The following LRRC8A variants were observed in gnomAD, a reference collection of about 807,000 sequenced individuals.
The protein encoded by LRRC8A is leucine rich repeat containing 8 VRAC subunit A.
In LRRC8A, 24 loss-of-function variants were observed where a neutral mutation model predicts 52.5. That is an observed-to-expected ratio of 0.46 (90% CI 0.33 to 0.64). LRRC8A has a LOEUF of 0.64. Among genes scored for constraint, LRRC8A ranks in the 30% least tolerant of loss-of-function variants. The probability of loss-of-function intolerance (pLI) is 0.02; values close to 1 mark genes in which losing one functional copy is unlikely to be tolerated. For synonymous variants in LRRC8A, 492 were observed against 494.2 expected (o/e 1.00, Z 0.06); for missense variants, 677 against 1,094.7 (o/e 0.62, Z 5.38).
chr9:128,911,694 T>C lies in LRRC8A; in HGVS notation c.2157+2373T>C, dbSNP rs1169130063. 6.6e-6 allele frequency among the ~76,000 whole-genome samples: 1 copy of C among 152,144 alleles called. No individual in the cohort carries two copies. Among genetic ancestry groups the C allele is most frequent in the Non-Finnish European group, 1.5e-5 (1 of 68,006 alleles). On this transcript the variant is annotated intron_variant, in intron 3 of 3. Coordinates refer to ENST00000372600, the MANE Select transcript of LRRC8A (RefSeq NM_019594.4). The surrounding 1 kb of genome is among the most constrained non-coding windows in gnomAD (Gnocchi z 4.9). ...GCTTGCCTGTTAGTGTCATGCCTGCTGGCTGAGGTCACCCCTCAGGAAAGG... is the reference window on the plus strand; with the variant it reads ...GCTTGCCTGTTAGTGTCATGCCTGCCGGCTGAGGTCACCCCTCAGGAAAGG...
At chr9:128,910,836 C>T (rs1470063371) in intron 3 of LRRC8A, among the ~76,000 whole-genome samples, 1 of 152,214 alleles carries the variant, frequency 6.6e-6, no homozygotes, top group African/African-American at 2.4e-5. Flanking sequence ...AGCATTTTCA[C>T]TAAGCACCCT....
chr9:128,897,900 G>T (rs941285213), intron 2 of LRRC8A, among the ~76,000 whole-genome samples: 3 of 151,296 alleles, frequency 2.0e-5, no homozygotes, highest in Non-Finnish European at 2.9e-5. Context: ...AAAATAGAGG[G>T]CAGGGGCAGT....
At position 128,916,101 on chromosome 9, in the gene LRRC8A, G is replaced by A. The variant is rs1454989450; in HGVS notation, c.2163G>A (p.Glu721=). ...QNLAITANRI[E]TLPPELFQCR... ...CCCTGCTTTTTTCCCTCCAGATCGA[G>A]ACGCTCCCTCCGGAGCTCTTCCAGT... Residue 721 remains glutamate (E), a synonymous_variant, in exon 4 of 4, where the codon GAG becomes GAA. Coordinates refer to ENST00000372600, the MANE Select transcript of LRRC8A (RefSeq NM_019594.4). This position sits in a 1 kb window ranked among gnomAD's most constrained non-coding sequence, Gnocchi z 6.1. 1 of 1,604,130 alleles carries A rather than the reference G, an allele frequency of 6.2e-7. No homozygotes were observed. The highest frequency in any genetic ancestry group is 8.5e-7 in the Non-Finnish European group (1 of 1,172,466).
rs1202097217 is a variant in LRRC8A at position 128,908,471 on chromosome 9, G to T, written c.1307G>T (p.Ser436Ile). 1.2e-6 allele frequency: 2 copies of T among 1,613,160 alleles called. No individual in the cohort carries two copies. Among genetic ancestry groups the T allele is most frequent in the South Asian group, 1.1e-5 (1 of 91,066 alleles). Residue 436 changes from serine (S) to isoleucine (I), a missense_variant, in exon 3 of 4, where the codon AGT becomes ATT. Physicochemically the swap from Ser to Ile is moderately radical, Grantham distance 142. Around this residue, in one of 4 missense-constraint regions of LRRC8A, gnomAD observed 422 missense variants for 741.5 expected, o/e 0.57. Coordinates refer to ENST00000372600, the MANE Select transcript of LRRC8A (RefSeq NM_019594.4). ...DKLELHLFML[S>I]GIPDTVFDLV... ...CTGGAGCTGCACCTGTTCATGCTCA[G>T]TGGCATCCCTGACACTGTGTTTGAC...
intron 3 of LRRC8A, 63 bp downstream of exon 3, chr9:128,909,384 G>A (rs1840401412): frequency 1.3e-6 from 2 of 1,498,778 alleles, no homozygotes; most frequent in Admixed American, 1.7e-5. Context: ...GGCTTGTGGT[G>A]GGGCACTCGG....
Position 128,907,372 on chromosome 9 carries a change from C to T in LRRC8A, c.208C>T (p.Arg70Trp), listed in dbSNP as rs140911584. The T allele has an allele frequency of 1.9e-4, 309 of 1,613,438 alleles. No homozygotes were observed. Among genetic ancestry groups the T allele is most frequent in the Non-Finnish European group, 2.5e-4 (293 of 1,180,010 alleles). The change falls in exon 3 of 4, where the codon CGG (arginine) becomes TGG (tryptophan). Residue 70 changes from arginine to tryptophan, a missense_variant. Transcript: ENST00000372600. The surrounding 1 kb of genome is among the most constrained non-coding windows in gnomAD (Gnocchi z 9.3). The stretch of plus-strand genomic sequence containing the variant: ...CAAGGACTCCTGCAATGATTCGTTC[C>T]GGGGCTGGGCAGCCCCTGGCCCGGA... ...VTKDSCNDSFRGWAAPGPEPT... is the reference protein window; with the variant it reads ...VTKDSCNDSFWGWAAPGPEPT...
rs1840855066 is a variant in LRRC8A at position 128,917,075 on chromosome 9, T to C, written c.*704T>C. The stretch of plus-strand genomic sequence containing the variant: ...AAAACAATTTTTTTAAAAAAAAAGC[T>C]TTGAAAATGGATGGTTTGGGTATTA... On this transcript the variant is annotated 3_prime_UTR_variant, in exon 4 of 4. Coordinates refer to ENST00000372600, the MANE Select transcript of LRRC8A (RefSeq NM_019594.4). 1 of 143,464 alleles carries C rather than the reference T, an allele frequency of 7.0e-6. No individual in the cohort carries two copies. The highest frequency in any genetic ancestry group is 1.5e-5 in the Non-Finnish European group (1 of 65,864). 8.9% of individuals were successfully genotyped at this position (143,464 alleles called of 1,614,324 possible). A position where few individuals can be genotyped will look rare whatever the true frequency, so the allele number is the denominator to read the frequency against.
chr9:128,890,168 G>GTGTGTGTGTGCT (rs1839554689), intron 2 of LRRC8A, among the ~76,000 whole-genome samples: 1 of 151,348 alleles, frequency 6.6e-6, no homozygotes, highest in South Asian at 2.1e-4. Context: ...GTGTGTGTGT[G>GTGTGTGTGTGCT]TGCTGGGAAG....
chr9:128,905,435 C>G lies in LRRC8A; in HGVS notation c.-8-1722C>G, dbSNP rs76296630. Among the ~76,000 whole-genome samples, 9 of 152,338 alleles carry G rather than the reference C, an allele frequency of 5.9e-5. No individual in the cohort carries two copies. In the South Asian group the frequency reaches 1.9e-3, roughly 32 times the overall value. On this transcript the variant is annotated intron_variant, in intron 2 of 3. Coordinates refer to ENST00000372600, the MANE Select transcript of LRRC8A (RefSeq NM_019594.4). ...GAATGGCCACAGAGAGGCATTCTCA[C>G]AGAGATCTTGCTGCGTGCCTCCTGT...
intron 3 of LRRC8A, among the ~76,000 whole-genome samples, chr9:128,914,833 G>T (rs989577195): frequency 6.6e-6 from 1 of 152,246 alleles, no homozygotes; most frequent in Non-Finnish European, 1.5e-5. Flanking sequence ...TCGCAGCAGG[G>T]CAGGGAAGAA....
chr9:128,917,124 A>G lies in LRRC8A; in HGVS notation c.*753A>G, dbSNP rs1840858675. 1 of 152,178 alleles carries G rather than the reference A, an allele frequency of 6.6e-6. No homozygotes were observed. The highest frequency in any genetic ancestry group is 2.4e-5 in the African/African-American group (1 of 41,332). The allele number at this position is 152,178 out of a possible 1,614,324, so 9.4% of individuals were successfully genotyped here. On this transcript the variant is annotated 3_prime_UTR_variant, in exon 4 of 4. Transcript: ENST00000372600. ...TAAAAAGAAAAAAAAAACTTAAAAA[A>G]AAAAAGACACTAACGGCCAGTGAGT...
In LRRC8A at chr9:128,907,530, C is replaced by T. The variant is rs1284056695; in HGVS notation, c.366C>T (p.Ala122=). The change falls in exon 3 of 4, where the codon GCC becomes GCT. Residue 122 remains alanine, a synonymous_variant. Transcript: ENST00000372600. The surrounding 1 kb of genome is among the most constrained non-coding windows in gnomAD (Gnocchi z 9.3). Reference sequence around the variant, plus strand: ...ATGAGAACCGACTGCACTGGTTTGCCAAGTACTTCCCCTACCTGGTGCTTC... The same window carrying T: ...ATGAGAACCGACTGCACTGGTTTGCTAAGTACTTCCCCTACCTGGTGCTTC... ...VCYENRLHWF[A]KYFPYLVLLH... The T allele has an allele frequency of 1.2e-6, 2 of 1,614,172 alleles. No homozygotes were observed. The highest frequency in any genetic ancestry group is 1.7e-6 in the Non-Finnish European group (2 of 1,180,044).
intron 2 of LRRC8A, among the ~76,000 whole-genome samples, chr9:128,895,446 C>T (rs1175981405): frequency 6.6e-6 from 1 of 152,236 alleles, no homozygotes; most frequent in Admixed American, 6.5e-5. Flanking sequence ...TGGATTTGAA[C>T]CTACATGTCC....
At chr9:128,889,341 G>C (rs1201935825) in intron 2 of LRRC8A, among the ~76,000 whole-genome samples, 1 of 152,118 alleles carries the variant, frequency 6.6e-6, no homozygotes, top group Non-Finnish European at 1.5e-5. Flanking sequence ...TGTGAGGCTG[G>C]TGGGCTACAA....
Position 128,916,046 on chromosome 9 carries a change from C to T in LRRC8A, c.2158-50C>T, listed in dbSNP as rs752079691. 1.3e-5 allele frequency: 20 copies of T among 1,549,338 alleles called. No homozygotes were observed. The highest frequency in any genetic ancestry group is 6.8e-5 in the African/African-American group (5 of 73,538). On this transcript the variant is annotated intron_variant, in intron 3 of 3. Coordinates refer to ENST00000372600, the MANE Select transcript of LRRC8A (RefSeq NM_019594.4). The surrounding 1 kb of genome is among the most constrained non-coding windows in gnomAD (Gnocchi z 6.1). ...AGAGGGAAGGGAAGCCCAGAGGCCC[C>T]GTCCAAGCCCACACCCACCTCACTC...
At chr9:128,895,173 C>T (rs1365430167) in intron 2 of LRRC8A, among the ~76,000 whole-genome samples, 1 of 152,092 alleles carries the variant, frequency 6.6e-6, no homozygotes, top group Non-Finnish European at 1.5e-5. Context: ...TCTTAGATGT[C>T]TCTGGGGTCA....
intron 1 of LRRC8A, among the ~76,000 whole-genome samples, chr9:128,884,558 T>C (rs1034276796): frequency 1.3e-5 from 2 of 152,090 alleles, no homozygotes; most frequent in African/African-American, 4.8e-5. Context: ...ACCATATTAA[T>C]AGAAATATTA....
In LRRC8A at chr9:128,912,277, G is replaced by A. The variant is rs1167584731; in HGVS notation, c.2157+2956G>A. 2.0e-5 allele frequency among the ~76,000 whole-genome samples: 3 copies of A among 152,156 alleles called. No homozygotes were observed. In the East Asian group the frequency reaches 5.8e-4, roughly 29 times the overall value. ...GAATCCAGCTATGGAGCAAGGCGCC[G>A]GGGACATGGGGATGAAGAAGGCCAA... On this transcript the variant is annotated intron_variant, in intron 3 of 3. Transcript: ENST00000372600.
At chr9:128,895,331 G>T (rs1028315348) in intron 2 of LRRC8A, among the ~76,000 whole-genome samples, 1 of 152,210 alleles carries the variant, frequency 6.6e-6, no homozygotes, top group East Asian at 1.9e-4. Context: ...CCTGGGCCAC[G>T]GAGCAAAGCA....
Sources: gnomAD v4.1 joint callset for allele counts (sites outside exome capture counted in the v4.1 genomes callset) on GRCh38, gnomAD v4.1.1 for gene constraint, gnomAD v4.1.1 regional missense constraint, Gnocchi (gnomAD v3.1) non-coding constraint, MANE v1.5 for transcripts, NCBI Gene and HGNC (gene_info 2026-07-23, HGNC 2026-07-21) for gene names.